FMN1: variants seen among roughly 807,000 people sequenced by gnomAD.
FMN1 encodes formin-1.
Under a neutral mutation model 132.4 loss-of-function variants are expected in FMN1, and 110 were observed. The observed-to-expected ratio is 0.83, with a 90% CI of 0.71 to 0.97. The LOEUF is 0.97. FMN1 is among the 50% of genes least tolerant of loss of function. The pLI, the probability that FMN1 is intolerant of heterozygous loss-of-function variation, is 0.00. For missense variants in FMN1, 1,792 were observed against 1,705.3 expected (o/e 1.05, Z -0.90); for synonymous variants, 722 against 651.7 (o/e 1.11, Z -1.64).
intron 7 of FMN1, among the ~76,000 whole-genome samples, chr15:32,991,525 G>A (rs975709129): frequency 6.6e-6 from 1 of 152,192 alleles, no homozygotes; most frequent in Non-Finnish European, 1.5e-5. Context: ...GTGATTCAAA[G>A]CTGAGTCTTC....
chr15:32,889,373 C>G (rs1265782446), intron 15 of FMN1, among the ~76,000 whole-genome samples: 1 of 152,096 alleles, frequency 6.6e-6, no homozygotes, highest in Non-Finnish European at 1.5e-5. Flanking sequence ...TCAATTATTC[C>G]TCTCTCTGCA....
At chr15:33,124,872 G>A (rs3850097) in intron 4 of FMN1, among the ~76,000 whole-genome samples, 52,574 of 150,626 alleles carry the variant, frequency 0.35, 10,051 homozygotes, top group South Asian at 0.41. Flanking sequence ...TTTGGAACGG[G>A]AAACAAATCA....
intron 6 of FMN1, chr15:33,013,048 G>T (rs770589469): frequency 1.7e-5 from 7 of 402,548 alleles, no homozygotes; most frequent in Non-Finnish European, 3.4e-5. Context: ...CACTAGCTAT[G>T]GCACTGGCAG....
chr15:32,799,524 G>A (rs1436040653), intron 18 of FMN1, among the ~76,000 whole-genome samples: 2 of 152,074 alleles, frequency 1.3e-5, no homozygotes, highest in Admixed American at 6.6e-5. Context: ...TCTTCAGGAG[G>A]GCTACCTTTT....
At chr15:32,950,000 T>TATATATATAC (rs2061602916) in intron 9 of FMN1, among the ~76,000 whole-genome samples, 1 of 20,602 alleles carries the variant, frequency 4.9e-5, no homozygotes, top group Non-Finnish European at 8.3e-5. Context: ...TATATACACA[T>TATATATATAC]ACACATATAT....
rs561575561 is a variant in FMN1, at chr15:33,158,836, C to T, written c.-131-3791G>A. Among the ~76,000 whole-genome samples the T allele has an allele frequency of 1.1e-3, 161 of 152,174 alleles. 4 individuals carry two copies. The South Asian group carries it at 0.032, about 30-fold the overall frequency. ...GGTCTTTCAGTATTCCAGAAAGAAG[C>T]GATAGCCAAAACCAAAGCAGTAGCA... On this transcript the variant is annotated intron_variant, in intron 3 of 20. Transcript: ENST00000616417.
At chr15:32,864,334 G>T (rs1274778460) in intron 16 of FMN1, among the ~76,000 whole-genome samples, 1 of 152,140 alleles carries the variant, frequency 6.6e-6, no homozygotes, top group Non-Finnish European at 1.5e-5. Context: ...GGGCAAAGGG[G>T]AAATCTATTC....
intron 6 of FMN1, chr15:33,063,251 T>C (rs891492833): frequency 1.3e-5 from 2 of 152,310 alleles, no homozygotes; most frequent in Non-Finnish European, 2.9e-5. Context: ...GGAATGACGA[T>C]GAGGGACCAG....
intron 17 of FMN1, among the ~76,000 whole-genome samples, chr15:32,813,345 G>A (rs1457599599): frequency 2.0e-5 from 3 of 152,120 alleles, no homozygotes; most frequent in Non-Finnish European, 4.4e-5. Flanking sequence ...CACAGTTCTA[G>A]GAGGTAATCG....
intron 4 of FMN1, among the ~76,000 whole-genome samples, chr15:33,129,292 A>C (rs1963432391): frequency 6.6e-6 from 1 of 152,196 alleles, no homozygotes; most frequent in East Asian, 1.9e-4. Context: ...AAATATAAAT[A>C]ATATAGTATG....
At chr15:32,956,343 G>C (rs985796398) in intron 9 of FMN1, among the ~76,000 whole-genome samples, 5 of 150,124 alleles carry the variant, frequency 3.3e-5, no homozygotes, top group Admixed American at 6.6e-5. Flanking sequence ...ATTCATATTT[G>C]ACAAGTCCTA....
intron 17 of FMN1, among the ~76,000 whole-genome samples, chr15:32,822,890 C>G (rs1465762358): frequency 6.6e-6 from 1 of 152,010 alleles, no homozygotes; most frequent in Non-Finnish European, 1.5e-5. Context: ...GGTGTAAATT[C>G]TCCTGTTTGT....
At chr15:32,801,098 G>C (rs1017244564) in intron 18 of FMN1, among the ~76,000 whole-genome samples, 1 of 152,150 alleles carries the variant, frequency 6.6e-6, no homozygotes, top group Non-Finnish European at 1.5e-5. Context: ...CTGGAGTCTA[G>C]ATTGTGAGAT....
intron 4 of FMN1, among the ~76,000 whole-genome samples, chr15:33,146,393 A>G (rs1051729906): frequency 6.6e-6 from 1 of 152,188 alleles, no homozygotes; most frequent in Non-Finnish European, 1.5e-5. Flanking sequence ...CTTTTCCTTC[A>G]GTAGTTTGTT....
At chr15:33,070,924 G>A (rs1243312633) in intron 5 of FMN1, among the ~76,000 whole-genome samples, 6 of 152,140 alleles carry the variant, frequency 3.9e-5, no homozygotes, top group African/African-American at 1.4e-4. Flanking sequence ...AGTCTTGCCA[G>A]TCCACAGAAA....
At chr15:33,012,577 AACCATG>A (rs2140967356) in intron 6 of FMN1, 1 of 1,385,340 alleles carries the variant, frequency 7.2e-7, no homozygotes, top group African/African-American at 1.4e-5. Context: ...AACCTTTGAC[AACCATG>A]ACTCTGTGGA....
chr15:32,819,220 TC>T (rs58491772), intron 17 of FMN1, among the ~76,000 whole-genome samples: 31,746 of 151,912 alleles, frequency 0.21, 4,260 homozygotes, highest in Admixed American at 0.31. Flanking sequence ...GCAACCCCCT[TC>T]CCCCCAACCA....
At chr15:32,987,672 T>C (rs957145351) in intron 7 of FMN1, among the ~76,000 whole-genome samples, 5 of 152,140 alleles carry the variant, frequency 3.3e-5, no homozygotes, top group African/African-American at 1.2e-4. Context: ...TTGCCAAGTA[T>C]AAAAACAAAT....
intron 8 of FMN1, among the ~76,000 whole-genome samples, chr15:32,965,260 C>T (rs952656818): frequency 2.7e-4 from 41 of 151,860 alleles, no homozygotes; most frequent in Admixed American, 1.3e-4. Flanking sequence ...ATTAGCTGGG[C>T]GTGGTGGTGG....
Sources: allele counts gnomAD v4.1 joint callset (sites outside exome capture counted in the v4.1 genomes callset), GRCh38; gene constraint gnomAD v4.1.1; transcripts MANE v1.5; gene names NCBI Gene and HGNC (gene_info 2026-07-23, HGNC 2026-07-21).